The following C2orf81 variants were observed in gnomAD, a reference collection of about 807,000 sequenced individuals.
The protein encoded by C2orf81 is chromosome 2 open reading frame 81.
A neutral mutation model predicts 7.9 loss-of-function variants in C2orf81; 5 were observed. The ratio of observed to expected loss-of-function variants is 0.63; its 90% CI spans 0.33 to 1.33. C2orf81 has a LOEUF of 1.33. Ranked by LOEUF, C2orf81 falls within the 40% of genes most tolerant of loss-of-function variation. The probability of loss-of-function intolerance (pLI) is 0.05; values close to 1 mark genes in which losing one functional copy is unlikely to be tolerated. For synonymous variants in C2orf81, 346 were observed against 367.4 expected (o/e 0.94, Z 0.66); for missense variants, 781 against 830.4 (o/e 0.94, Z 0.73).
chr2:74,415,930 G>T lies in C2orf81; in HGVS notation c.250-3C>A, dbSNP rs1176390830. 1 of 1,547,444 alleles carries T rather than the reference G, an allele frequency of 6.5e-7. No individual in the cohort carries two copies. Among genetic ancestry groups the T allele is most frequent in the Admixed American group, 2.0e-5 (1 of 50,938 alleles). On this transcript the variant is annotated splice_polypyrimidine_tract_variant and splice_region_variant and intron_variant, in intron 2 of 2. Coordinates refer to ENST00000684111, the MANE Select transcript of C2orf81 (RefSeq NM_001316764.3). This position sits in a 1 kb window ranked among gnomAD's most constrained non-coding sequence, Gnocchi z 5.5. The stretch of plus-strand genomic sequence containing the variant: ...TGGCTGATGGTGAATGGAATGCACT[G>T]CGGAGGCGAGAGAGGATCTCAGGTC...
chr2:74,417,689 G>T, intron 1 of C2orf81: 1 of 615,722 alleles, frequency 1.6e-6, no homozygotes, highest in Non-Finnish European at 2.5e-6. Flanking sequence ...ATGGGGGCTT[G>T]GGCCCCTTTT....
rs547276069 is a variant in C2orf81 at position 74,414,631 on chromosome 2, C to A, written c.1546G>T (p.Glu516Ter). 1.9e-6 allele frequency: 3 copies of A among 1,550,046 alleles called. No homozygotes were observed. In the African/African-American group the frequency reaches 4.1e-5, roughly 21 times the overall value. Residue 516 changes from glutamate to a stop codon, truncating the protein, a stop_gained, in exon 3 of 3, where the codon GAG (glutamate) becomes TAG (stop). Coordinates refer to ENST00000684111, the MANE Select transcript of C2orf81 (RefSeq NM_001316764.3). LOFTEE classifies it low-confidence loss of function (END_TRUNC). The surrounding 1 kb of genome is among the most constrained non-coding windows in gnomAD (Gnocchi z 5.3). ...ACGCGGGTCCGGCCAGCCCACAGCTCGCCCAGCAGCTCGGCCTTCCCCTCC... is the reference window on the plus strand; with the variant it reads ...ACGCGGGTCCGGCCAGCCCACAGCTAGCCCAGCAGCTCGGCCTTCCCCTCC... ...GWEGKAELLG[E>*]LWAGRTRVPP... is the part of the protein sequence containing the mutation.
intron 1 of C2orf81, chr2:74,418,604 T>C: frequency 1.6e-6 from 1 of 620,260 alleles, no homozygotes; most frequent in East Asian, 2.8e-5. Flanking sequence ...TGCGGATGCC[T>C]TCCTGGAGCC....
In C2orf81 at chr2:74,418,271, G is replaced by A. The variant is rs1328143708; in HGVS notation, c.19-2030C>T. On this transcript the variant is annotated intron_variant, in intron 1 of 2. Coordinates refer to ENST00000684111, the MANE Select transcript of C2orf81 (RefSeq NM_001316764.3). ...TTTTTGCTTCCCTTTGGTCGGCCCC[G>A]AGGTCTCTTAGGTGTTGGCACTTCG... 8 of 1,605,608 alleles carry A rather than the reference G, an allele frequency of 5.0e-6. No homozygotes were observed. In the South Asian group the frequency reaches 5.5e-5, roughly 11 times the overall value.
chr2:74,418,447 C>A lies in C2orf81; in HGVS notation c.19-2206G>T, dbSNP rs752517912. The A allele has an allele frequency of 1.0e-5, 16 of 1,528,622 alleles. No individual in the cohort carries two copies. In the South Asian group the frequency reaches 1.8e-4, roughly 17 times the overall value. 94.7% of individuals were successfully genotyped at this position (1,528,622 alleles called of 1,614,324 possible). ...CTTCGAGCTCGACTCGCTCATCTTC[C>A]CTTCTCTAAGGACTAGTTGGAAAAG... On this transcript the variant is annotated intron_variant, in intron 1 of 2. Transcript: ENST00000684111.
intron 1 of C2orf81, chr2:74,417,398 T>G (rs527338583): frequency 7.6e-7 from 1 of 1,309,164 alleles, no homozygotes; most frequent in African/African-American, 1.5e-5. Flanking sequence ...AATAGGTGAC[T>G]GCATCTCCAT....
At chr2:74,420,260 A>G (rs1158672699) in intron 1 of C2orf81, among the ~76,000 whole-genome samples, 5 of 151,930 alleles carry the variant, frequency 3.3e-5, no homozygotes, top group Admixed American at 3.3e-4. Flanking sequence ...GTTCTCTACA[A>G]TGAGTTTGTT....
At position 74,415,617 on chromosome 2, in the gene C2orf81, T is replaced by A. The variant is rs1676434976; in HGVS notation, c.560A>T (p.Asp187Val). The change falls in exon 3 of 3, where the codon GAC (aspartate) becomes GTC (valine). Residue 187 changes from aspartate (D) to valine (V), a missense_variant. Physicochemically the swap from Asp to Val is radical, Grantham distance 152. Coordinates refer to ENST00000684111, the MANE Select transcript of C2orf81 (RefSeq NM_001316764.3). This position sits in a 1 kb window ranked among gnomAD's most constrained non-coding sequence, Gnocchi z 5.5. ...AGGGATCCGGTCCACGCCCCCAGGG[T>A]CCTGGGGAAATGCACTCGGGCAGTG... ...TSHCPSAFPQ[D>V]PGGVDRIPLG... The A allele has an allele frequency of 6.4e-7, 1 of 1,550,918 alleles. No homozygotes were observed. The highest frequency in any genetic ancestry group is 8.7e-7 in the Non-Finnish European group (1 of 1,146,926).
Position 74,415,823 on chromosome 2 carries a change from G to A in C2orf81, c.354C>T (p.Pro118=). 6.4e-7 allele frequency: 1 copy of A among 1,551,614 alleles called. No individual in the cohort carries two copies. Among genetic ancestry groups the A allele is most frequent in the Non-Finnish European group, 8.7e-7 (1 of 1,147,014 alleles). Reference sequence around the variant, plus strand: ...AAGGCTCCTCGTCCTCACCCCATGTGGGGTCCTCAGCTACTGCAGATTCTC... The same window carrying A: ...AAGGCTCCTCGTCCTCACCCCATGTAGGGTCCTCAGCTACTGCAGATTCTC... ...DEGESAVAED[P]TWGEDEEPSA... Residue 118 remains proline, a synonymous_variant, in exon 3 of 3, where the codon CCC becomes CCT. Coordinates refer to ENST00000684111, the MANE Select transcript of C2orf81 (RefSeq NM_001316764.3). The surrounding 1 kb of genome is among the most constrained non-coding windows in gnomAD (Gnocchi z 5.5).
At chr2:74,417,247 G>T in intron 1 of C2orf81, 1 of 527,822 alleles carries the variant, frequency 1.9e-6, no homozygotes, top group South Asian at 2.0e-5. Context: ...AGGGCTGGGA[G>T]TGGGAAGGGT....
At chr2:74,417,596 G>C in intron 1 of C2orf81, 16 of 1,049,862 alleles carry the variant, frequency 1.5e-5, no homozygotes, top group Non-Finnish European at 2.0e-5. Context: ...AAGACAGTTT[G>C]GCTGGGGGAA....
chr2:74,418,669 C>G, intron 1 of C2orf81: 1 of 550,606 alleles, frequency 1.8e-6, no homozygotes, highest in Non-Finnish European at 3.3e-6. Flanking sequence ...GAGCACAGCC[C>G]CGGCTCAGGG....
Position 74,415,978 on chromosome 2 carries a change from AGAC to A in C2orf81, c.249+30_249+32del, listed in dbSNP as rs761741559. On this transcript the variant is annotated intron_variant, in intron 2 of 2. Coordinates refer to ENST00000684111, the MANE Select transcript of C2orf81 (RefSeq NM_001316764.3). This position sits in a 1 kb window ranked among gnomAD's most constrained non-coding sequence, Gnocchi z 5.5. Reference sequence around the variant, plus strand: ...GTCGGCAGGGAGGGGCGGGAGAGGGAGACGAGTCTGAAGGACCCGGATCCCGGC... The same window carrying A: ...GTCGGCAGGGAGGGGCGGGAGAGGGAGAGTCTGAAGGACCCGGATCCCGGC... 6.5e-7 allele frequency: 1 copy of A among 1,548,150 alleles called. No individual in the cohort carries two copies. Among genetic ancestry groups the A allele is most frequent in the Non-Finnish European group, 8.7e-7 (1 of 1,144,922 alleles).
chr2:74,418,918 C>T (rs1485909991), intron 1 of C2orf81, among the ~76,000 whole-genome samples: 24 of 151,920 alleles, frequency 1.6e-4, no homozygotes, highest in Non-Finnish European at 2.9e-4. Context: ...CAGTGGCTCA[C>T]GCCTGTAATC....
rs1265759000 is a variant in C2orf81, at chr2:74,414,601, G to A, written c.1576C>T (p.Pro526Ser). Reference sequence around the variant, plus strand: ...CTGTCTGCCAGCTCCAGACCCTGTGGAGGCACGCGGGTCCGGCCAGCCCAC... The same window carrying A: ...CTGTCTGCCAGCTCCAGACCCTGTGAAGGCACGCGGGTCCGGCCAGCCCAC... Reference protein sequence around the residue: ...ELWAGRTRVPPQGLELADREG... With the variant: ...ELWAGRTRVPSQGLELADREG... Residue 526 changes from proline (P) to serine (S), a missense_variant, in exon 3 of 3, where the codon CCA (proline) becomes TCA (serine). Pro to Ser is a moderately conservative substitution (Grantham distance 74). Coordinates refer to ENST00000684111, the MANE Select transcript of C2orf81 (RefSeq NM_001316764.3). The surrounding 1 kb of genome is among the most constrained non-coding windows in gnomAD (Gnocchi z 5.3). 3.9e-6 allele frequency: 6 copies of A among 1,549,610 alleles called. No individual in the cohort carries two copies. Among genetic ancestry groups the A allele is most frequent in the Non-Finnish European group, 5.2e-6 (6 of 1,145,652 alleles).
chr2:74,415,961 G>A lies in C2orf81; in HGVS notation c.250-34C>T. On this transcript the variant is annotated intron_variant, in intron 2 of 2. Coordinates refer to ENST00000684111, the MANE Select transcript of C2orf81 (RefSeq NM_001316764.3). The surrounding 1 kb of genome is among the most constrained non-coding windows in gnomAD (Gnocchi z 5.5). ...GCGAGAGAGGATCTCAGGTCGGCAG[G>A]GAGGGGCGGGAGAGGGAGACGAGTC... 6.5e-7 allele frequency: 1 copy of A among 1,547,158 alleles called. No homozygotes were observed. The highest frequency in any genetic ancestry group is 8.7e-7 in the Non-Finnish European group (1 of 1,143,806).
chr2:74,414,264 G>A lies in C2orf81; in HGVS notation c.*65C>T, dbSNP rs1407066460. 4 of 1,383,028 alleles carry A rather than the reference G, an allele frequency of 2.9e-6. No homozygotes were observed. The highest frequency in any genetic ancestry group is 3.8e-6 in the Non-Finnish European group (4 of 1,058,928). The allele number at this position is 1,383,028 out of a possible 1,614,324, so 85.7% of individuals were successfully genotyped here. ...GCCAGAGGCTCAGGGATCAGAGGGA[G>A]GCAGCAGGCTTAGAGGAGCGTGACC... is the stretch of plus-strand genomic sequence containing the variant. On this transcript the variant is annotated 3_prime_UTR_variant, in exon 3 of 3. Coordinates refer to ENST00000684111, the MANE Select transcript of C2orf81 (RefSeq NM_001316764.3). This position sits in a 1 kb window ranked among gnomAD's most constrained non-coding sequence, Gnocchi z 5.3.
In C2orf81 at chr2:74,416,139, G is replaced by T; in HGVS notation, c.121C>A (p.Arg41=). The change falls in exon 2 of 3, where the codon CGG becomes AGG. Residue 41 remains arginine (R), a synonymous_variant. Coordinates refer to ENST00000684111, the MANE Select transcript of C2orf81 (RefSeq NM_001316764.3). ...GCCATCCACTCGGCCTCACTGAGCC[G>T]CCCAGGCACAATATCCACCTGCGGC... ...PVPQVDIVPG[R]LSEAEWMALT... The T allele has an allele frequency of 2.6e-6, 4 of 1,520,064 alleles. No homozygotes were observed. Among genetic ancestry groups the T allele is most frequent in the Non-Finnish European group, 3.5e-6 (4 of 1,127,494 alleles). 94.2% of individuals were successfully genotyped at this position (1,520,064 alleles called of 1,614,324 possible). A position where few individuals can be genotyped will look rare whatever the true frequency, so the allele number is the denominator to read the frequency against.
chr2:74,419,987 C>G (rs1460305124), intron 1 of C2orf81, among the ~76,000 whole-genome samples: 6 of 152,166 alleles, frequency 3.9e-5, no homozygotes, highest in Non-Finnish European at 8.8e-5. Context: ...GTTGGCCAGA[C>G]TGGTCTTGAA....
Sources: allele counts gnomAD v4.1 joint callset (sites outside exome capture counted in the v4.1 genomes callset), GRCh38; gene constraint gnomAD v4.1.1; non-coding constraint Gnocchi (gnomAD v3.1); transcripts MANE v1.5; gene names NCBI Gene and HGNC (gene_info 2026-07-23, HGNC 2026-07-21).